TTYH2: variants seen among roughly 807,000 people sequenced by gnomAD.
TTYH2 encodes protein tweety homolog 2.
TTYH2 carries 49 observed loss-of-function variants against 68.3 expected under a neutral mutation model. The observed-to-expected ratio is 0.72, with a 90% CI of 0.57 to 0.91. The LOEUF is 0.91. Among genes scored for constraint, TTYH2 ranks in the 40% least tolerant of loss-of-function variants. The pLI, the probability that TTYH2 is intolerant of heterozygous loss-of-function variation, is 0.00. For synonymous variants in TTYH2, 272 were observed against 300.8 expected, an observed-to-expected ratio of 0.90 and a Z score of 0.99; for missense variants, 631 against 700.4, an observed-to-expected ratio of 0.90 and a Z score of 1.12.
rs1378481074 is a variant in TTYH2, at chr17:74,222,770, C to A, written c.302+113C>A. ...AGCTACCTTGATGGAAAAGCTTGTC[C>A]CCAGATGAATGTTGTCCCTTTTTTT... On this transcript the variant is annotated intron_variant, in intron 2 of 13. Transcript: ENST00000269346. This position sits in a 1 kb window ranked among gnomAD's most constrained non-coding sequence, Gnocchi z 5.2. 6 of 1,294,050 alleles carry A rather than the reference C, an allele frequency of 4.6e-6. No homozygotes were observed. In the East Asian group the frequency reaches 1.6e-4, roughly 34 times the overall value. 80.2% of individuals were successfully genotyped at this position (1,294,050 alleles called of 1,614,324 possible).
In TTYH2 at chr17:74,257,480, C is replaced by T. The variant is rs145007861; in HGVS notation, c.1525-2649C>T. ...ACAGCTGGCTGCGCCCCACCCTCCC[C>T]GGGGCGCCTGCTCTAAACACTCCTT... On this transcript the variant is annotated intron_variant, in intron 13 of 13. Coordinates refer to ENST00000269346, the MANE Select transcript of TTYH2 (RefSeq NM_032646.6). 4.7e-3 allele frequency among the ~76,000 whole-genome samples: 709 copies of T among 152,308 alleles called. 9 individuals are homozygous for T. The highest frequency in any genetic ancestry group is 0.016 in the African/African-American group (684 of 41,568).
chr17:74,215,515 G>A lies in TTYH2; in HGVS notation c.129+1799G>A, dbSNP rs1356229890. 3 of 976,280 alleles carry A rather than the reference G, an allele frequency of 3.1e-6. No homozygotes were observed. The highest frequency in any genetic ancestry group is 4.5e-6 in the Non-Finnish European group (3 of 668,424). The allele number at this position is 976,280 out of a possible 1,614,324, so 60.5% of individuals were successfully genotyped here. A position where few individuals can be genotyped will look rare whatever the true frequency, so the allele number is the denominator to read the frequency against. On this transcript the variant is annotated intron_variant, in intron 1 of 13. Transcript: ENST00000269346. The surrounding 1 kb of genome is among the most constrained non-coding windows in gnomAD (Gnocchi z 4.3). ...GGATTCTGGCCCCGGCTCACTTTGT[G>A]CTGGGCATCAAATGGTTCCAGAGGG...
intron 4 of TTYH2, among the ~76,000 whole-genome samples, chr17:74,238,052 A>G (rs2050461392): frequency 6.6e-6 from 1 of 152,158 alleles, no homozygotes; most frequent in Non-Finnish European, 1.5e-5. Context: ...GCTACAGAGG[A>G]CAGGGATGTG....
rs1045281456 is a variant in TTYH2, at chr17:74,214,928, G to A, written c.129+1212G>A. ...AATAATAACCCCTGACGACCCGGCT[G>A]CCATCAGGCCCAGGCAGATGGTGCC... On this transcript the variant is annotated intron_variant, in intron 1 of 13. Coordinates refer to ENST00000269346, the MANE Select transcript of TTYH2 (RefSeq NM_032646.6). The surrounding 1 kb of genome is among the most constrained non-coding windows in gnomAD (Gnocchi z 4.6). Among the ~76,000 whole-genome samples, 4 of 152,152 alleles carry A rather than the reference G, an allele frequency of 2.6e-5. No individual in the cohort carries two copies. Among genetic ancestry groups the A allele is most frequent in the African/African-American group, 4.8e-5 (2 of 41,414 alleles).
At chr17:74,249,159 T>G (rs1450657385) in intron 7 of TTYH2, 79 bp downstream of exon 7, 1 of 1,600,230 alleles carries the variant, frequency 6.2e-7, no homozygotes, top group Non-Finnish European at 8.6e-7. Context: ...CTTTCAGCCC[T>G]GTAGCCATCC....
chr17:74,255,318 C>T (rs923704596), intron 13 of TTYH2, among the ~76,000 whole-genome samples: 1 of 152,148 alleles, frequency 6.6e-6, no homozygotes, highest in Non-Finnish European at 1.5e-5. Flanking sequence ...GTGCAATGGG[C>T]AAATTGATTG....
chr17:74,220,600 C>A (rs1318457262), intron 1 of TTYH2, among the ~76,000 whole-genome samples: 1 of 152,160 alleles, frequency 6.6e-6, no homozygotes, highest in Non-Finnish European at 1.5e-5. Context: ...GGACTGAGGA[C>A]CAGAAGAGGG....
chr17:74,252,864 A>G (rs2050649400), intron 11 of TTYH2, among the ~76,000 whole-genome samples: 1 of 152,206 alleles, frequency 6.6e-6, no homozygotes, highest in South Asian at 2.1e-4. Context: ...GCGCATGGTC[A>G]GCGTGGTGGG....
At chr17:74,258,068 C>G (rs1451914776) in intron 13 of TTYH2, among the ~76,000 whole-genome samples, 1 of 151,618 alleles carries the variant, frequency 6.6e-6, no homozygotes, top group Non-Finnish European at 1.5e-5. Flanking sequence ...GCAGGAGAAT[C>G]ACTTGAACCC....
At chr17:74,225,102 T>C (rs989506795) in intron 2 of TTYH2, among the ~76,000 whole-genome samples, 1 of 151,556 alleles carries the variant, frequency 6.6e-6, no homozygotes, top group Non-Finnish European at 1.5e-5. Context: ...CTGGGTGACA[T>C]GGGCACCCAA....
intron 4 of TTYH2, among the ~76,000 whole-genome samples, chr17:74,238,502 G>T (rs574592335): frequency 6.6e-6 from 1 of 151,864 alleles, no homozygotes; most frequent in East Asian, 2.0e-4. Context: ...GGGCTCAAGT[G>T]ATCCTCCCGC....
intron 13 of TTYH2, among the ~76,000 whole-genome samples, chr17:74,257,791 G>A (rs192990962): frequency 2.0e-4 from 31 of 152,262 alleles, no homozygotes; most frequent in African/African-American, 7.2e-4. Flanking sequence ...GAATATCTTG[G>A]GGAAGGAGCC....
chr17:74,242,829 G>T (rs2050515503), intron 4 of TTYH2, among the ~76,000 whole-genome samples: 2 of 152,150 alleles, frequency 1.3e-5, no homozygotes, highest in Admixed American at 1.3e-4. Context: ...TAAACATCAG[G>T]CCTTGGCTGG....
intron 2 of TTYH2, among the ~76,000 whole-genome samples, chr17:74,227,708 G>A (rs1269675242): frequency 6.6e-6 from 1 of 151,054 alleles, no homozygotes; most frequent in African/African-American, 2.4e-5. Context: ...GGGGGTGTGT[G>A]TAAGAGAGAG....
rs1413776594 is a variant in TTYH2 at position 74,215,318 on chromosome 17, G to T, written c.129+1602G>T. 1.3e-5 allele frequency among the ~76,000 whole-genome samples: 2 copies of T among 152,230 alleles called. No homozygotes were observed. The highest frequency in any genetic ancestry group is 2.1e-4 in the South Asian group (1 of 4,814). On this transcript the variant is annotated intron_variant, in intron 1 of 13. Coordinates refer to ENST00000269346, the MANE Select transcript of TTYH2 (RefSeq NM_032646.6). This position sits in a 1 kb window ranked among gnomAD's most constrained non-coding sequence, Gnocchi z 4.3. ...CATTGGGTCAAGAAGACCCCTAGGT[G>T]GGGGTAGGGATGGTAAGGGGACTCC...
chr17:74,236,348 C>T (rs2050442951), intron 3 of TTYH2, among the ~76,000 whole-genome samples: 1 of 152,214 alleles, frequency 6.6e-6, no homozygotes, highest in East Asian at 1.9e-4. Flanking sequence ...TCTTATAGAA[C>T]AATTAGAAAT....
At chr17:74,235,042 A>G (rs2050428814) in intron 3 of TTYH2, among the ~76,000 whole-genome samples, 1 of 152,188 alleles carries the variant, frequency 6.6e-6, no homozygotes, top group South Asian at 2.1e-4. Context: ...GTACTCTGGT[A>G]TCTCTTAGTC....
chr17:74,222,436 C>A lies in TTYH2; in HGVS notation c.130-49C>A. ...CCCAAGGGCAGGGCACTTCCAGAGC[C>A]CCGCACTGCAGGGATGAAGAGTGAC... is the stretch of plus-strand genomic sequence containing the variant. On this transcript the variant is annotated intron_variant, in intron 1 of 13. Coordinates refer to ENST00000269346, the MANE Select transcript of TTYH2 (RefSeq NM_032646.6). The surrounding 1 kb of genome is among the most constrained non-coding windows in gnomAD (Gnocchi z 5.2). 1 of 1,555,442 alleles carries A rather than the reference C, an allele frequency of 6.4e-7. No homozygotes were observed. Among genetic ancestry groups the A allele is most frequent in the Non-Finnish European group, 8.7e-7 (1 of 1,153,198 alleles).
At chr17:74,216,573 C>A (rs1008394632) in intron 1 of TTYH2, among the ~76,000 whole-genome samples, 4 of 152,314 alleles carry the variant, frequency 2.6e-5, no homozygotes, top group African/African-American at 7.2e-5. Flanking sequence ...AGCCCCCAGT[C>A]CTCCTGATAG....
Sources: allele counts gnomAD v4.1 joint callset (sites outside exome capture counted in the v4.1 genomes callset), GRCh38; gene constraint gnomAD v4.1.1; non-coding constraint Gnocchi (gnomAD v3.1); transcripts MANE v1.5; gene names NCBI Gene and HGNC (gene_info 2026-07-23, HGNC 2026-07-21).